The following MAP7D1 variants were observed in gnomAD, a reference collection of about 807,000 sequenced individuals.
The protein encoded by MAP7D1 is MAP7 domain containing 1.
In MAP7D1, 30 loss-of-function variants were observed where a neutral mutation model predicts 97.5. The ratio of observed to expected loss-of-function variants is 0.31; its 90% CI spans 0.23 to 0.42. The LOEUF (loss-of-function observed/expected upper bound fraction) is 0.42, where lower values mean the gene tolerates loss of function less well. MAP7D1 is among the 10% of genes least tolerant of loss of function. MAP7D1 has a pLI of 1.00. For synonymous variants in MAP7D1, 536 were observed against 477.1 expected (o/e 1.12, Z -1.61); for missense variants, 1,184 against 1,179.5 (o/e 1.00, Z -0.06).
At chr1:36,171,422 G>T in intron 2 of MAP7D1, 91 bp from the exon 3 acceptor site, 1 of 1,560,674 alleles carries the variant, frequency 6.4e-7, no homozygotes, top group South Asian at 1.1e-5. Context: ...GATAAAGAAA[G>T]GATGGGGTGA....
chr1:36,179,440 G>A (rs1167484680), intron 13 of MAP7D1, 75 bp from the exon 14 acceptor site: 1 of 1,572,490 alleles, frequency 6.4e-7, no homozygotes, highest in South Asian at 1.1e-5. Flanking sequence ...CCGGGCAAGG[G>A]GAGGGCCGAA....
At chr1:36,161,326 C>T (rs767046049) in intron 1 of MAP7D1, among the ~76,000 whole-genome samples, 1 of 152,172 alleles carries the variant, frequency 6.6e-6, no homozygotes, top group Non-Finnish European at 1.5e-5. Context: ...AGGCATTCCC[C>T]AGAGTTTGCC....
rs937993865 is a variant in MAP7D1 at position 36,177,658 on chromosome 1, G to A, written c.1380-215G>A. On this transcript the variant is annotated intron_variant, in intron 8 of 16. Coordinates refer to ENST00000474796, the MANE Select transcript of MAP7D1 (RefSeq NM_001388490.1). ...TTATTAAGCTTACAGGCTATTGGCGGGGGACATACAATAATCAAAGAATCC... is the reference window on the plus strand; with the variant it reads ...TTATTAAGCTTACAGGCTATTGGCGAGGGACATACAATAATCAAAGAATCC... 5 of 791,902 alleles carry A rather than the reference G, an allele frequency of 6.3e-6. No individual in the cohort carries two copies. The African/African-American group carries it at 7.0e-5, about 11-fold the overall frequency. The allele number at this position is 791,902 out of a possible 1,614,324, so 49.1% of individuals were successfully genotyped here.
chr1:36,172,857 G>A (rs113692320), intron 4 of MAP7D1, among the ~76,000 whole-genome samples: 221 of 152,336 alleles, frequency 1.5e-3, no homozygotes, highest in African/African-American at 5.0e-3. Context: ...ACTGTTTACT[G>A]TCAGTACCTG....
In MAP7D1 at chr1:36,178,522, T is replaced by C. The variant is rs776758362; in HGVS notation, c.1812T>C (p.Ala604=). Residue 604 remains alanine, a synonymous_variant, in exon 10 of 17, where the codon GCT becomes GCC. Transcript: ENST00000474796. ...GAGAAGAAGCCACTCGGCTCTTGGC[T>C]GAGAAGCGGCGCCAGGCCCGGGAGC... ...TDREEATRLL[A]EKRRQAREQR... 1.9e-6 allele frequency: 3 copies of C among 1,606,706 alleles called. No individual in the cohort carries two copies. The highest frequency in any genetic ancestry group is 2.5e-6 in the Non-Finnish European group (3 of 1,177,060).
intron 8 of MAP7D1, among the ~76,000 whole-genome samples, chr1:36,177,085 G>A (rs1416940890): frequency 1.3e-5 from 2 of 151,938 alleles, no homozygotes; most frequent in Non-Finnish European, 2.9e-5. Context: ...CAAGTGGCTG[G>A]GGCTACAGGC....
In MAP7D1 at chr1:36,172,615, C is replaced by T. The variant is rs774395234; in HGVS notation, c.612C>T (p.Leu204=). 12 of 1,567,920 alleles carry T rather than the reference C, an allele frequency of 7.7e-6. No homozygotes were observed. Among genetic ancestry groups the T allele is most frequent in the African/African-American group, 2.7e-5 (2 of 73,862 alleles). ...AALEERQRQK[L]EKNKERYEAA... The stretch of plus-strand genomic sequence containing the variant: ...TGGAGGAACGGCAGCGGCAGAAGCT[C>T]GAGAAAAACAAGGTGCGGGATGGGT... Residue 204 remains leucine, a synonymous_variant, in exon 4 of 17, where the codon CTC becomes CTT. Coordinates refer to ENST00000474796, the MANE Select transcript of MAP7D1 (RefSeq NM_001388490.1).
chr1:36,171,472 G>A (rs1242780184), intron 2 of MAP7D1, 41 bp from the exon 3 acceptor site: 4 of 1,610,148 alleles, frequency 2.5e-6, no homozygotes, highest in East Asian at 2.2e-5. Flanking sequence ...CCTCTTTGGG[G>A]ACAGCCTTTT....
chr1:36,177,530 C>T, intron 8 of MAP7D1: 1 of 566,952 alleles, frequency 1.8e-6, no homozygotes, highest in Non-Finnish European at 3.4e-6. Context: ...TTAAAAACAA[C>T]AACAACAACA....
At chr1:36,158,283 G>T (rs1354377683) in intron 1 of MAP7D1, among the ~76,000 whole-genome samples, 5 of 152,224 alleles carry the variant, frequency 3.3e-5, no homozygotes, top group African/African-American at 1.2e-4. Flanking sequence ...GATGGTGGCA[G>T]TTCCCCACAC....
chr1:36,163,183 C>T (rs1644434857), intron 1 of MAP7D1, among the ~76,000 whole-genome samples: 1 of 152,220 alleles, frequency 6.6e-6, no homozygotes, highest in Non-Finnish European at 1.5e-5. Context: ...AGACCCCAGG[C>T]ACAGCCCCTC....
chr1:36,167,911 C>G (rs1325031455), intron 1 of MAP7D1, among the ~76,000 whole-genome samples: 1 of 152,208 alleles, frequency 6.6e-6, no homozygotes, highest in Non-Finnish European at 1.5e-5. Flanking sequence ...CGCACAGGTG[C>G]TTGGAGAATG....
At chr1:36,173,258 G>A in intron 4 of MAP7D1, 106 bp from the exon 5 acceptor site, 2 of 791,324 alleles carry the variant, frequency 2.5e-6, no homozygotes, top group South Asian at 1.7e-5. Context: ...AGACTCCAAG[G>A]GAAGGGAGTG....
At chr1:36,172,757 T>C in intron 4 of MAP7D1, 130 bp downstream of exon 4, 1 of 1,047,746 alleles carries the variant, frequency 9.5e-7, no homozygotes, top group Non-Finnish European at 1.3e-6. Context: ...TGTGTTCACA[T>C]CTACAGTTGT....
At position 36,163,436 on chromosome 1, in the gene MAP7D1, G is replaced by A. The variant is rs1351286473; in HGVS notation, c.46+6973G>A. Among the ~76,000 whole-genome samples, 7 of 152,150 alleles carry A rather than the reference G, an allele frequency of 4.6e-5. No individual in the cohort carries two copies. In the East Asian group the frequency reaches 1.3e-3, roughly 29 times the overall value. The stretch of plus-strand genomic sequence containing the variant: ...AAGTAGCCGAAGGATCATATTTGAT[G>A]GTTAAAAATGAGAATGATCATAAAT... On this transcript the variant is annotated intron_variant, in intron 1 of 16. Coordinates refer to ENST00000474796, the MANE Select transcript of MAP7D1 (RefSeq NM_001388490.1).
Position 36,176,047 on chromosome 1 carries a change from A to G in MAP7D1, c.851-152A>G. ...AGTGGAAGTCCAGATCATAGGGAGG[A>G]CAAGTGTGGCCCCGGTGTGATTGTG... On this transcript the variant is annotated intron_variant, in intron 6 of 16. Transcript: ENST00000474796. This position sits in a 1 kb window ranked among gnomAD's most constrained non-coding sequence, Gnocchi z 6.1. 1.3e-6 allele frequency: 1 copy of G among 756,592 alleles called. No homozygotes were observed. Among genetic ancestry groups the G allele is most frequent in the Non-Finnish European group, 2.0e-6 (1 of 489,620 alleles). The allele number at this position is 756,592 out of a possible 1,614,324, so 46.9% of individuals were successfully genotyped here.
Position 36,180,479 on chromosome 1 carries a change from C to T in MAP7D1, c.*221C>T, listed in dbSNP as rs1183433596. The stretch of plus-strand genomic sequence containing the variant: ...TCGTGTGCTCGCACGCGCAGACATC[C>T]CTTCTCCCCCATACACACATATACA... On this transcript the variant is annotated 3_prime_UTR_variant, in exon 17 of 17. Transcript: ENST00000474796. 1.6e-6 allele frequency: 1 copy of T among 618,638 alleles called. No individual in the cohort carries two copies. Among genetic ancestry groups the T allele is most frequent in the Non-Finnish European group, 2.9e-6 (1 of 348,388 alleles). The allele number at this position is 618,638 out of a possible 1,614,324, so 38.3% of individuals were successfully genotyped here. A position where few individuals can be genotyped will look rare whatever the true frequency, so the allele number is the denominator to read the frequency against.
chr1:36,166,545 A>G (rs902901524), intron 1 of MAP7D1, among the ~76,000 whole-genome samples: 6 of 151,922 alleles, frequency 3.9e-5, no homozygotes, highest in African/African-American at 7.3e-5. Context: ...GCCTGCCACC[A>G]TGCCTGGCTA....
intron 1 of MAP7D1, among the ~76,000 whole-genome samples, chr1:36,164,993 T>C (rs756953477): frequency 6.6e-6 from 1 of 152,216 alleles, no homozygotes; most frequent in Non-Finnish European, 1.5e-5. Context: ...ATTTGTGCCC[T>C]CATAGAGATT....
Sources: gnomAD v4.1 joint callset for allele counts (sites outside exome capture counted in the v4.1 genomes callset) on GRCh38, gnomAD v4.1.1 for gene constraint, Gnocchi (gnomAD v3.1) non-coding constraint, MANE v1.5 for transcripts, NCBI Gene and HGNC (gene_info 2026-07-23, HGNC 2026-07-21) for gene names.